Variants in EYS observed in about 807,000 individuals in gnomAD.
EYS encodes the protein protein eyes shut homolog.
EYS carries 250 observed loss-of-function variants against 282.1 expected under a neutral mutation model. The observed-to-expected ratio is 0.89, with a 90% CI of 0.80 to 0.98. EYS has a LOEUF of 0.98. Ranked by LOEUF, EYS falls within the 50% of genes least tolerant of loss-of-function variation. The pLI, the probability that EYS is intolerant of heterozygous loss-of-function variation, is 0.00. For synonymous variants in EYS, 1,355 were observed against 1,282.9 expected, an observed-to-expected ratio of 1.06 and a Z score of -1.20; for missense variants, 4,016 against 3,709.0, an observed-to-expected ratio of 1.08 and a Z score of -2.15.
At chr6:63,875,375 A>G (rs1257670411) in intron 35 of EYS, among the ~76,000 whole-genome samples, 1 of 152,194 alleles carries the variant, frequency 6.6e-6, no homozygotes, top group African/African-American at 2.4e-5. Context: ...TTGGTATGCC[A>G]GTATTTTATT....
intron 1 of EYS, among the ~76,000 whole-genome samples, chr6:65,664,710 A>C (rs1377053543): frequency 1.3e-5 from 2 of 152,166 alleles, no homozygotes; most frequent in East Asian, 3.9e-4. Context: ...ATATGCTCAC[A>C]AATAAACAGG....
rs977355208 is a variant in EYS at position 65,014,136 on chromosome 6, G to A, written c.2138-16433C>T. On this transcript the variant is annotated intron_variant, in intron 13 of 42. Transcript: ENST00000503581. ...GATAGGGAATGGCATCTGGTTTGCA[G>A]CAGCCAAGAACACTCTAGACAGCCA... Among the ~76,000 whole-genome samples, 34 of 152,160 alleles carry A rather than the reference G, an allele frequency of 2.2e-4. 1 individual carries two copies. Among genetic ancestry groups the A allele is most frequent in the African/African-American group, 8.2e-4 (34 of 41,438 alleles).
At chr6:65,454,791 C>T (rs1582317359) in intron 5 of EYS, among the ~76,000 whole-genome samples, 1 of 151,710 alleles carries the variant, frequency 6.6e-6, no homozygotes, top group East Asian at 1.9e-4. Flanking sequence ...TTCTTCTTAC[C>T]TTTGTTGAAA....
chr6:65,640,676 T>C (rs1348383662), intron 1 of EYS, among the ~76,000 whole-genome samples: 1 of 152,216 alleles, frequency 6.6e-6, no homozygotes, highest in African/African-American at 2.4e-5. Flanking sequence ...CTGACTTTTA[T>C]TGCTGCTATT....
At chr6:64,156,117 A>G (rs556749856) in intron 31 of EYS, among the ~76,000 whole-genome samples, 1 of 151,454 alleles carries the variant, frequency 6.6e-6, no homozygotes, top group East Asian at 1.9e-4. Flanking sequence ...TCCCCACCCA[A>G]ATATCATCTT....
At chr6:64,742,845 T>C (rs1772421021) in intron 22 of EYS, among the ~76,000 whole-genome samples, 1 of 152,116 alleles carries the variant, frequency 6.6e-6, no homozygotes, top group Non-Finnish European at 1.5e-5. Flanking sequence ...AATCGTGTCA[T>C]TCATTCAGTT....
At chr6:64,740,920 A>G (rs968149239) in intron 22 of EYS, among the ~76,000 whole-genome samples, 6 of 151,976 alleles carry the variant, frequency 3.9e-5, no homozygotes, top group Non-Finnish European at 8.8e-5. Context: ...TCACCATGTT[A>G]GCCAGGATGG....
intron 26 of EYS, among the ~76,000 whole-genome samples, chr6:64,480,183 T>C (rs1002041968): frequency 2.6e-5 from 4 of 151,964 alleles, no homozygotes; most frequent in Admixed American, 6.6e-5. Context: ...ATTGAAGATT[T>C]TTTGAAGTCT....
intron 26 of EYS, among the ~76,000 whole-genome samples, chr6:64,534,582 T>A (rs977995315): frequency 6.6e-6 from 1 of 152,186 alleles, no homozygotes; most frequent in African/African-American, 2.4e-5. Context: ...ATTATGTACT[T>A]TCTTGTCATT....
At chr6:64,718,680 A>C (rs1771475750) in intron 22 of EYS, among the ~76,000 whole-genome samples, 1 of 152,220 alleles carries the variant, frequency 6.6e-6, no homozygotes, top group African/African-American at 2.4e-5. Context: ...CAACTTGTTC[A>C]GGTAACATGA....
intron 31 of EYS, among the ~76,000 whole-genome samples, chr6:64,134,355 C>T (rs144918326): frequency 6.6e-6 from 1 of 151,284 alleles, no homozygotes; most frequent in Non-Finnish European, 1.5e-5. Context: ...TTTCAAATCT[C>T]CAGACTAAGG....
intron 22 of EYS, among the ~76,000 whole-genome samples, chr6:64,771,216 T>G (rs1583139190): frequency 2.0e-5 from 3 of 151,912 alleles, no homozygotes; most frequent in Admixed American, 6.6e-5. Flanking sequence ...CTCAAATTTC[T>G]TATGTATCTA....
At chr6:64,602,015 G>GGA (rs1766776652) in intron 24 of EYS, among the ~76,000 whole-genome samples, 2 of 151,842 alleles carry the variant, frequency 1.3e-5, no homozygotes, top group African/African-American at 4.8e-5. Flanking sequence ...TAACTTAAAG[G>GGA]TCCCTTCCTT....
chr6:64,561,436 C>T (rs1192942363), intron 26 of EYS, among the ~76,000 whole-genome samples: 1 of 151,982 alleles, frequency 6.6e-6, no homozygotes, highest in East Asian at 1.9e-4. Flanking sequence ...CCATAGTCTC[C>T]ACCCAAAAGC....
chr6:65,167,712 T>TATAATA (rs1765007926), intron 12 of EYS, among the ~76,000 whole-genome samples: 1 of 151,346 alleles, frequency 6.6e-6, no homozygotes, highest in Non-Finnish European at 1.5e-5. Context: ...TATCTCCGAA[T>TATAATA]ATTGCTTCTG....
intron 31 of EYS, among the ~76,000 whole-genome samples, chr6:64,126,164 G>T (rs955028025): frequency 3.3e-5 from 5 of 151,926 alleles, no homozygotes; most frequent in Non-Finnish European, 7.4e-5. Context: ...CAAGGATCTA[G>T]AACTAGAAAT....
At chr6:64,660,723 C>A (rs933728236) in intron 22 of EYS, among the ~76,000 whole-genome samples, 2 of 152,040 alleles carry the variant, frequency 1.3e-5, no homozygotes, top group Non-Finnish European at 2.9e-5. Flanking sequence ...AACCACTGCT[C>A]AATGAAATAA....
intron 23 of EYS, among the ~76,000 whole-genome samples, chr6:64,620,993 G>T (rs1259364767): frequency 2.6e-5 from 4 of 152,060 alleles, no homozygotes; most frequent in Non-Finnish European, 5.9e-5. Context: ...GTGACACATT[G>T]CAATAAAATT....
chr6:65,070,895 A>G (rs574387623), intron 12 of EYS, among the ~76,000 whole-genome samples: 16 of 152,066 alleles, frequency 1.1e-4, no homozygotes, highest in African/African-American at 3.6e-4. Flanking sequence ...TACTAAAAGC[A>G]TAGTATAATA....
Sources: allele counts gnomAD v4.1 joint callset (sites outside exome capture counted in the v4.1 genomes callset), GRCh38; gene constraint gnomAD v4.1.1; transcripts MANE v1.5; gene names NCBI Gene and HGNC (gene_info 2026-07-23, HGNC 2026-07-21).